PRKCE: variants seen among roughly 807,000 people sequenced by gnomAD.
PRKCE encodes protein kinase C epsilon.
In PRKCE, 16 loss-of-function variants were observed where a neutral mutation model predicts 85.4. That is an observed-to-expected ratio of 0.19 (90% confidence interval 0.13 to 0.28). The LOEUF is 0.28. Among genes scored for constraint, PRKCE ranks in the 10% least tolerant of loss-of-function variants. The probability of loss-of-function intolerance (pLI) is 1.00; values close to 1 mark genes in which losing one functional copy is unlikely to be tolerated. For synonymous variants in PRKCE, 388 were observed against 371.5 expected, an observed-to-expected ratio of 1.04 and a Z score of -0.51; for missense variants, 573 against 975.2, an observed-to-expected ratio of 0.59 and a Z score of 5.49.
At chr2:46,057,262 A>G (rs1479757136) in intron 10 of PRKCE, among the ~76,000 whole-genome samples, 1 of 151,960 alleles carries the variant, frequency 6.6e-6, no homozygotes, top group Non-Finnish European at 1.5e-5. Flanking sequence ...AAATAATCCC[A>G]CCTGGTGTCA....
intron 2 of PRKCE, among the ~76,000 whole-genome samples, chr2:45,942,226 G>T (rs996879080): frequency 6.6e-6 from 1 of 152,114 alleles, no homozygotes. Flanking sequence ...AGGCTGAATC[G>T]TTGTGCTAGT....
At chr2:45,943,295 C>G (rs936325756) in intron 2 of PRKCE, among the ~76,000 whole-genome samples, 4 of 152,224 alleles carry the variant, frequency 2.6e-5, no homozygotes, top group Non-Finnish European at 5.9e-5. Flanking sequence ...ATGTGCAAAG[C>G]AGTTACCCAG....
chr2:45,765,018 C>T (rs780772591), intron 1 of PRKCE, among the ~76,000 whole-genome samples: 8 of 152,124 alleles, frequency 5.3e-5, no homozygotes, highest in Non-Finnish European at 8.8e-5. Context: ...CCATAGCCTT[C>T]CTCCCTGTGG....
intron 5 of PRKCE, among the ~76,000 whole-genome samples, chr2:45,982,106 G>T (rs1009707661): frequency 3.9e-5 from 6 of 152,198 alleles, no homozygotes; most frequent in Admixed American, 3.9e-4. Flanking sequence ...GGAGGCTCTG[G>T]GTTTCTTAGC....
intron 10 of PRKCE, among the ~76,000 whole-genome samples, chr2:46,027,640 C>G (rs1707214627): frequency 6.6e-6 from 1 of 152,208 alleles, no homozygotes; most frequent in Admixed American, 6.5e-5. Context: ...TAAATGATGA[C>G]ATGCTCTCCA....
chr2:45,787,354 CAGAGAG>C (rs57126648), intron 1 of PRKCE, among the ~76,000 whole-genome samples: 1 of 151,162 alleles, frequency 6.6e-6, no homozygotes, highest in African/African-American at 2.4e-5. Flanking sequence ...GAGACAGAGA[CAGAGAG>C]AGAGAGAGAC....
At position 45,973,523 on chromosome 2, in the gene PRKCE, A is replaced by G. The variant is rs920554898; in HGVS notation, c.413-2906A>G. ...GCAGATGCTCCTTTGGGGCAATAGT[A>G]ATAGAAACCTTGGAGGAAGTTGAAC... On this transcript the variant is annotated intron_variant, in intron 2 of 14. Coordinates refer to ENST00000306156, the MANE Select transcript of PRKCE (RefSeq NM_005400.3). Among the ~76,000 whole-genome samples, 4 of 152,320 alleles carry G rather than the reference A, an allele frequency of 2.6e-5. No homozygotes were observed. In the South Asian group the frequency reaches 8.3e-4, roughly 32 times the overall value.
Position 45,895,104 on chromosome 2 carries a change from G to T in PRKCE, c.412+52041G>T, listed in dbSNP as rs753054391. On this transcript the variant is annotated intron_variant, in intron 2 of 14. Coordinates refer to ENST00000306156, the MANE Select transcript of PRKCE (RefSeq NM_005400.3). This position sits in a 1 kb window ranked among gnomAD's most constrained non-coding sequence, Gnocchi z 4.8. ...AAACTTCAGAACTTAAGCATTAGTT[G>T]TGAGCATTTGGCCACGTGGTAGGGA... Among the ~76,000 whole-genome samples the T allele has an allele frequency of 3.9e-5, 6 of 152,210 alleles. No homozygotes were observed. Among genetic ancestry groups the T allele is most frequent in the Non-Finnish European group, 7.3e-5 (5 of 68,034 alleles).
At chr2:45,766,257 G>C (rs1423525034) in intron 1 of PRKCE, among the ~76,000 whole-genome samples, 1 of 152,208 alleles carries the variant, frequency 6.6e-6, no homozygotes, top group Non-Finnish European at 1.5e-5. Context: ...AGAAGGAAAG[G>C]AGGGGGCTTT....
intron 1 of PRKCE, among the ~76,000 whole-genome samples, chr2:45,741,053 AG>A (rs1682516561): frequency 6.6e-6 from 1 of 152,382 alleles, no homozygotes; most frequent in East Asian, 1.9e-4. Context: ...AAAATTAAAA[AG>A]GTTGCTCACC....
rs34589907 is a variant in PRKCE, at chr2:45,751,809, A to ATTTTTTTTTTTTTT, written c.349-91178_349-91165dup. On this transcript the variant is annotated intron_variant, in intron 1 of 14. Coordinates refer to ENST00000306156, the MANE Select transcript of PRKCE (RefSeq NM_005400.3). ...ACTCCAGCCTCCAAAGCTAACCACT[A>ATTTTTTTTTTTTTT]TTTTTTTTTTTTTTTTTTTTTTTTT... 1.0e-4 allele frequency among the ~76,000 whole-genome samples: 8 copies of ATTTTTTTTTTTTTT among 78,524 alleles called. 1 individual carries two copies. The highest frequency in any genetic ancestry group is 3.1e-4 in the Admixed American group (2 of 6,418). 51.5% of individuals were successfully genotyped at this position (78,524 alleles called of 152,430 possible).
intron 1 of PRKCE, chr2:45,677,027 T>C (rs746617118): frequency 6.6e-6 from 1 of 150,950 alleles, no homozygotes; most frequent in Non-Finnish European, 1.5e-5. Context: ...ACATGGGGAG[T>C]TGGGGAAGGC....
At chr2:45,955,420 A>G (rs1056076099) in intron 2 of PRKCE, among the ~76,000 whole-genome samples, 1 of 152,210 alleles carries the variant, frequency 6.6e-6, no homozygotes, top group African/African-American at 2.4e-5. Context: ...AAGTAGAACC[A>G]GACAGTGCAG....
intron 1 of PRKCE, among the ~76,000 whole-genome samples, chr2:45,692,452 AC>A (rs1334747009): frequency 6.6e-6 from 1 of 152,010 alleles, no homozygotes; most frequent in African/African-American, 2.4e-5. Context: ...TCTTATAAGG[AC>A]AGTCATTGAA....
chr2:45,980,413 T>G, intron 5 of PRKCE, 32 bp downstream of exon 5: 1 of 1,587,882 alleles, frequency 6.3e-7, no homozygotes, highest in Non-Finnish European at 8.6e-7. Context: ...ATTCTGGGCT[T>G]CTTCACCGCC....
chr2:46,042,012 T>C (rs978829783), intron 10 of PRKCE, among the ~76,000 whole-genome samples: 3 of 152,244 alleles, frequency 2.0e-5, no homozygotes, highest in Admixed American at 1.3e-4. Flanking sequence ...TCCCATTTTA[T>C]GGTTTGATTG....
rs1010049578 is a variant in PRKCE, at chr2:46,086,107, C to T, written c.1438-101C>T. 13 of 1,273,692 alleles carry T rather than the reference C, an allele frequency of 1.0e-5. No homozygotes were observed. The Admixed American group carries it at 2.4e-4, about 23-fold the overall frequency. The allele number at this position is 1,273,692 out of a possible 1,614,324, so 78.9% of individuals were successfully genotyped here. A position where few individuals can be genotyped will look rare whatever the true frequency, so the allele number is the denominator to read the frequency against. On this transcript the variant is annotated intron_variant, in intron 10 of 14. Transcript: ENST00000306156. ...TTCACCCACCTTTGAGGCTTCTTCC[C>T]CCTTGAGTCTTGGTAACCTTACACT...
chr2:46,023,960 A>G (rs891777755), intron 10 of PRKCE, among the ~76,000 whole-genome samples: 2 of 152,236 alleles, frequency 1.3e-5, no homozygotes, highest in Non-Finnish European at 2.9e-5. Context: ...TAATCGTCAC[A>G]TCAACCCTAT....
At chr2:46,093,317 T>C (rs1670358120) in intron 11 of PRKCE, among the ~76,000 whole-genome samples, 4 of 152,090 alleles carry the variant, frequency 2.6e-5, no homozygotes, top group Admixed American at 1.3e-4. Context: ...CACAATGAGA[T>C]AGTATAAAGC....
Sources: allele counts gnomAD v4.1 joint callset (sites outside exome capture counted in the v4.1 genomes callset), GRCh38; gene constraint gnomAD v4.1.1; non-coding constraint Gnocchi (gnomAD v3.1); transcripts MANE v1.5; gene names NCBI Gene and HGNC (gene_info 2026-07-23, HGNC 2026-07-21).